SDK1: variants seen among roughly 807,000 people sequenced by gnomAD.
SDK1 encodes protein sidekick-1.
SDK1 carries 157 observed loss-of-function variants against 245.5 expected under a neutral mutation model. The observed-to-expected ratio is 0.64, with a 90% CI of 0.56 to 0.73. The LOEUF (loss-of-function observed/expected upper bound fraction) is 0.73, where lower values mean the gene tolerates loss of function less well. SDK1 is among the 30% of genes least tolerant of loss of function. SDK1 has a pLI of 0.00. For synonymous variants in SDK1, 1,647 were observed against 1,278.5 expected (o/e 1.29, Z -6.15); for missense variants, 3,583 against 3,002.3 (o/e 1.19, Z -4.52).
chr7:3,647,248 C>T (rs1484016181), intron 4 of SDK1, among the ~76,000 whole-genome samples: 1 of 152,150 alleles, frequency 6.6e-6, no homozygotes, highest in African/African-American at 2.4e-5. Flanking sequence ...GAGACCCTCT[C>T]TCTATTTTTT....
Position 3,458,937 on chromosome 7 carries a change from G to C in SDK1, c.298+157053G>C, listed in dbSNP as rs573952468. On this transcript the variant is annotated intron_variant, in intron 1 of 44. Transcript: ENST00000404826. ...TAAATTCATTGTTCAGGATTGTCTT[G>C]ATCATTATTTAATGGGGGAAAGAGT... is the stretch of plus-strand genomic sequence containing the variant. Among the ~76,000 whole-genome samples the C allele has an allele frequency of 3.9e-5, 6 of 152,224 alleles. No individual in the cohort carries two copies. The East Asian group carries it at 1.2e-3, about 29-fold the overall frequency.
At position 4,026,464 on chromosome 7, in the gene SDK1, G is replaced by A. The variant is rs1342766372; in HGVS notation, c.2602+9112G>A. Among the ~76,000 whole-genome samples the A allele has an allele frequency of 1.3e-5, 2 of 152,220 alleles. No individual in the cohort carries two copies. The highest frequency in any genetic ancestry group is 4.8e-5 in the African/African-American group (2 of 41,460). On this transcript the variant is annotated intron_variant, in intron 17 of 44. Transcript: ENST00000404826. This position sits in a 1 kb window ranked among gnomAD's most constrained non-coding sequence, Gnocchi z 4.1. ...GAGTCAGACGACTGGCTTCACGAGG[G>A]CCCGGTGTGCAGACAGCCTGCCAGG... is the stretch of plus-strand genomic sequence containing the variant.
At chr7:3,939,466 C>G (rs1780277226) in intron 5 of SDK1, among the ~76,000 whole-genome samples, 1 of 152,102 alleles carries the variant, frequency 6.6e-6, no homozygotes, top group Admixed American at 6.5e-5. Flanking sequence ...ATTTCGTGAA[C>G]TTGTTTTTTT....
chr7:3,719,847 C>T (rs1201493833), intron 4 of SDK1, among the ~76,000 whole-genome samples: 6 of 151,622 alleles, frequency 4.0e-5, no homozygotes, highest in Non-Finnish European at 5.9e-5. Flanking sequence ...TGTGGTGGTG[C>T]GTGCCTGAAG....
chr7:3,323,758 G>T (rs772268338), intron 1 of SDK1, among the ~76,000 whole-genome samples: 1 of 152,222 alleles, frequency 6.6e-6, no homozygotes, highest in Non-Finnish European at 1.5e-5. Context: ...TAAATGTGCT[G>T]TAGAATATGA....
chr7:3,393,484 G>A (rs889821993), intron 1 of SDK1, among the ~76,000 whole-genome samples: 1 of 152,084 alleles, frequency 6.6e-6, no homozygotes, highest in African/African-American at 2.4e-5. Context: ...ATGTGAAGTG[G>A]TATCTGTACA....
intron 4 of SDK1, among the ~76,000 whole-genome samples, chr7:3,759,518 A>G (rs1212434843): frequency 6.6e-6 from 1 of 151,992 alleles, no homozygotes; most frequent in Non-Finnish European, 1.5e-5. Context: ...TGTCCTTGAA[A>G]TACGCTTTTA....
intron 1 of SDK1, among the ~76,000 whole-genome samples, chr7:3,421,513 A>G (rs1779535891): frequency 6.6e-6 from 1 of 152,184 alleles, no homozygotes; most frequent in South Asian, 2.1e-4. Flanking sequence ...TTTTGACTTA[A>G]ATATCTAAGT....
intron 1 of SDK1, among the ~76,000 whole-genome samples, chr7:3,587,413 C>A (rs1383359221): frequency 4.0e-5 from 6 of 151,770 alleles, no homozygotes; most frequent in Non-Finnish European, 1.5e-5. Context: ...AAGTGGAGAC[C>A]CAGGCAAGCT....
chr7:3,340,280 C>G (rs1172837328), intron 1 of SDK1, among the ~76,000 whole-genome samples: 1 of 151,872 alleles, frequency 6.6e-6, no homozygotes, highest in Non-Finnish European at 1.5e-5. Context: ...AAGTGGTTTC[C>G]CAGTGTATAT....
intron 1 of SDK1, among the ~76,000 whole-genome samples, chr7:3,373,417 G>A (rs1562447617): frequency 6.6e-6 from 1 of 152,132 alleles, no homozygotes; most frequent in African/African-American, 2.4e-5. Flanking sequence ...AAAACCATAT[G>A]GTCTCAATAG....
At chr7:3,529,182 A>G (rs2128617457) in intron 1 of SDK1, among the ~76,000 whole-genome samples, 1 of 152,112 alleles carries the variant, frequency 6.6e-6, no homozygotes, top group Admixed American at 6.5e-5. Context: ...GGTTTTGGAA[A>G]CATGTATATA....
At chr7:4,237,958 A>G (rs1786283882) in intron 42 of SDK1, among the ~76,000 whole-genome samples, 174 bp downstream of exon 42, 1 of 152,176 alleles carries the variant, frequency 6.6e-6, no homozygotes, top group Non-Finnish European at 1.5e-5. Context: ...ACAGTGCAGC[A>G]AACGCTCTAT....
intron 4 of SDK1, among the ~76,000 whole-genome samples, chr7:3,680,557 T>C (rs532793681): frequency 6.6e-6 from 1 of 152,222 alleles, no homozygotes; most frequent in African/African-American, 2.4e-5. Flanking sequence ...TTACATAAGG[T>C]TTTACTTTGG....
intron 4 of SDK1, among the ~76,000 whole-genome samples, chr7:3,721,838 C>G (rs1778820219): frequency 6.6e-6 from 1 of 152,204 alleles, no homozygotes; most frequent in African/African-American, 2.4e-5. Flanking sequence ...GTTGGCATAA[C>G]AACTTCATGA....
intron 5 of SDK1, among the ~76,000 whole-genome samples, chr7:3,912,460 A>G (rs1294587481): frequency 6.6e-6 from 1 of 152,242 alleles, no homozygotes; most frequent in African/African-American, 2.4e-5. Context: ...GGTTCAAGAA[A>G]CATTGCATTC....
intron 5 of SDK1, among the ~76,000 whole-genome samples, chr7:3,933,102 C>T (rs978730395): frequency 1.2e-4 from 18 of 150,464 alleles, no homozygotes; most frequent in South Asian, 4.2e-4. Flanking sequence ...CCGCATCCTC[C>T]GGCGGGAAAT....
At chr7:3,647,241 A>G (rs1480529010) in intron 4 of SDK1, among the ~76,000 whole-genome samples, 1 of 151,790 alleles carries the variant, frequency 6.6e-6, no homozygotes, top group Admixed American at 6.6e-5. Context: ...GTAAAGTGAG[A>G]CCCTCTCTCT....
chr7:3,353,816 C>T (rs373649993), intron 1 of SDK1, among the ~76,000 whole-genome samples: 1 of 89,742 alleles, frequency 1.1e-5, no homozygotes, highest in African/African-American at 3.2e-5. Flanking sequence ...CTAGAAAAAG[C>T]AGCCTCCCAT....
Sources: gnomAD v4.1 joint callset for allele counts (sites outside exome capture counted in the v4.1 genomes callset) on GRCh38, gnomAD v4.1.1 for gene constraint, Gnocchi (gnomAD v3.1) non-coding constraint, MANE v1.5 for transcripts, NCBI Gene and HGNC (gene_info 2026-07-23, HGNC 2026-07-21) for gene names.